NRXN1: variants seen among roughly 807,000 people sequenced by gnomAD.
NRXN1 encodes neurexin-1.
A neutral mutation model predicts 150.9 loss-of-function variants in NRXN1; 39 were observed. That is an observed-to-expected ratio of 0.26 (90% CI 0.20 to 0.34). The LOEUF (loss-of-function observed/expected upper bound fraction) is 0.34, where lower values mean the gene tolerates loss of function less well. Among genes scored for constraint, NRXN1 ranks in the 10% least tolerant of loss-of-function variants. NRXN1 has a pLI of 1.00. For missense variants in NRXN1, 1,815 were observed against 1,949.9 expected (o/e 0.93, Z 1.30); for synonymous variants, 924 against 757.0 (o/e 1.22, Z -3.62).
At chr2:50,070,927 A>G (rs58855276) in intron 19 of NRXN1, among the ~76,000 whole-genome samples, 2,010 of 152,350 alleles carry the variant, frequency 0.013, 44 homozygotes, top group African/African-American at 0.046. Flanking sequence ...AAATTTCTCT[A>G]CTTCCTTCAG....
In NRXN1 at chr2:50,983,640, A is replaced by T. The variant is rs1697194591; in HGVS notation, c.772+43862T>A. ...ATTTGCCTACATACACATATTAGGG[A>T]ACTTTTCTTATTTAGATATAATAGT... On this transcript the variant is annotated intron_variant, in intron 2 of 22. Coordinates refer to ENST00000401669, the MANE Select transcript of NRXN1 (RefSeq NM_001330078.2). Among the ~76,000 whole-genome samples, 3 of 152,146 alleles carry T rather than the reference A, an allele frequency of 2.0e-5. No homozygotes were observed. In the South Asian group the frequency reaches 6.2e-4, roughly 31 times the overall value.
Position 51,027,720 on chromosome 2 carries a change from C to G in NRXN1, c.554G>C (p.Arg185Pro). 1 of 1,609,820 alleles carries G rather than the reference C, an allele frequency of 6.2e-7. No homozygotes were observed. Among genetic ancestry groups the G allele is most frequent in the Non-Finnish European group, 8.5e-7 (1 of 1,177,798 alleles). ...REREPFKGWI[R>P]DVRVNSSQVL... ...CTGCGAGGAGTTGACCCTCACGTCA[C>G]GAATCCACCCCTTGAAGGGCTCCCG... Residue 185 changes from arginine (R) to proline (P), a missense_variant, in exon 2 of 23, where the codon CGT becomes CCT. Coordinates refer to ENST00000401669, the MANE Select transcript of NRXN1 (RefSeq NM_001330078.2).
intron 21 of NRXN1, among the ~76,000 whole-genome samples, chr2:50,051,345 T>G (rs185131840): frequency 8.5e-5 from 13 of 152,116 alleles, no homozygotes; most frequent in Non-Finnish European, 1.5e-4. Flanking sequence ...ATATAGGAGA[T>G]TTGGCAACTG....
intron 21 of NRXN1, among the ~76,000 whole-genome samples, chr2:49,975,767 G>A (rs1289220800): frequency 6.6e-6 from 1 of 152,042 alleles, no homozygotes; most frequent in Non-Finnish European, 1.5e-5. Flanking sequence ...TTAGAGCACT[G>A]TAATAGCCCC....
chr2:50,647,772 G>A (rs1050102165), intron 5 of NRXN1, among the ~76,000 whole-genome samples: 3 of 151,776 alleles, frequency 2.0e-5, no homozygotes, highest in South Asian at 2.1e-4. Flanking sequence ...TCAAAAACAA[G>A]CAATTTATGA....
At chr2:50,251,111 G>C (rs1333791954) in intron 17 of NRXN1, among the ~76,000 whole-genome samples, 1 of 151,216 alleles carries the variant, frequency 6.6e-6, no homozygotes, top group Non-Finnish European at 1.5e-5. Flanking sequence ...ATATGTAATA[G>C]ATGCATCTAT....
chr2:50,709,865 G>C (rs1694925130), intron 5 of NRXN1, among the ~76,000 whole-genome samples: 1 of 152,154 alleles, frequency 6.6e-6, no homozygotes, highest in South Asian at 2.1e-4. Context: ...ATTCCTCTAA[G>C]ATCACAAGGC....
intron 17 of NRXN1, among the ~76,000 whole-genome samples, chr2:50,442,337 A>C (rs2086027527): frequency 6.6e-6 from 1 of 152,192 alleles, no homozygotes; most frequent in Non-Finnish European, 1.5e-5. Context: ...CCATACTTTA[A>C]ACACTTGAAA....
intron 12 of NRXN1, among the ~76,000 whole-genome samples, chr2:50,527,534 CTGAT>C (rs1311356794): frequency 2.0e-5 from 3 of 151,924 alleles, no homozygotes; most frequent in Non-Finnish European, 4.4e-5. Context: ...TTTTATTGGT[CTGAT>C]TGAACAAACT....
chr2:50,282,335 A>C (rs184547842), intron 17 of NRXN1, among the ~76,000 whole-genome samples: 1 of 152,176 alleles, frequency 6.6e-6, no homozygotes, highest in Non-Finnish European at 1.5e-5. Flanking sequence ...GAGTATTTTT[A>C]AGACATTAAT....
chr2:50,560,837 C>T (rs1188058481), intron 8 of NRXN1, among the ~76,000 whole-genome samples: 1 of 152,046 alleles, frequency 6.6e-6, no homozygotes, highest in African/African-American at 2.4e-5. Flanking sequence ...GATTCAGAGA[C>T]CATGTACAGA....
intron 5 of NRXN1, among the ~76,000 whole-genome samples, chr2:50,911,120 T>C (rs771037498): frequency 1.3e-5 from 2 of 152,008 alleles, no homozygotes; most frequent in Non-Finnish European, 2.9e-5. Context: ...AGGGGATAAT[T>C]TTTGGATCCC....
At chr2:50,149,408 A>G (rs1482988597) in intron 18 of NRXN1, among the ~76,000 whole-genome samples, 5 of 151,714 alleles carry the variant, frequency 3.3e-5, no homozygotes, top group Non-Finnish European at 7.4e-5. Flanking sequence ...CAGAGAACTG[A>G]TCTATATAGG....
chr2:50,878,141 C>T (rs1284386039), intron 5 of NRXN1, among the ~76,000 whole-genome samples: 1 of 151,784 alleles, frequency 6.6e-6, no homozygotes, highest in Admixed American at 6.6e-5. Context: ...TCAATAAGTG[C>T]CTGAAAACGA....
chr2:50,374,352 G>T (rs2080332025), intron 17 of NRXN1, among the ~76,000 whole-genome samples: 1 of 148,980 alleles, frequency 6.7e-6, no homozygotes, highest in African/African-American at 2.5e-5. Flanking sequence ...ATTGGGTGAT[G>T]ATTTCATTTG....
chr2:50,060,894 T>C (rs1694429047), intron 19 of NRXN1, among the ~76,000 whole-genome samples: 2 of 152,020 alleles, frequency 1.3e-5, no homozygotes, highest in Admixed American at 6.5e-5. Context: ...CAGTCTCTAG[T>C]ATTTCTTCAA....
chr2:50,669,550 A>C (rs1183647872), intron 5 of NRXN1, among the ~76,000 whole-genome samples: 1 of 152,022 alleles, frequency 6.6e-6, no homozygotes, highest in Non-Finnish European at 1.5e-5. Flanking sequence ...TAAAGTAGAC[A>C]GTATAGCTAA....
chr2:50,643,133 T>C (rs1027554059), intron 5 of NRXN1, among the ~76,000 whole-genome samples: 1 of 151,958 alleles, frequency 6.6e-6, no homozygotes, highest in African/African-American at 2.4e-5. Flanking sequence ...TAACTACAAA[T>C]GCATACAGGG....
At chr2:50,444,156 C>T (rs1482437407) in intron 17 of NRXN1, among the ~76,000 whole-genome samples, 1 of 152,130 alleles carries the variant, frequency 6.6e-6, no homozygotes, top group Non-Finnish European at 1.5e-5. Flanking sequence ...TTCTTTCATT[C>T]TTCTCTGATA....
Sources: allele counts gnomAD v4.1 joint callset (sites outside exome capture counted in the v4.1 genomes callset), GRCh38; gene constraint gnomAD v4.1.1; transcripts MANE v1.5; gene names NCBI Gene and HGNC (gene_info 2026-07-23, HGNC 2026-07-21).